LSP1: variants seen among roughly 807,000 people sequenced by gnomAD.
LSP1 encodes the protein lymphocyte-specific protein 1.
Under a neutral mutation model 49.3 loss-of-function variants are expected in LSP1, and 32 were observed. The observed-to-expected ratio is 0.65, with a 90% CI of 0.49 to 0.87. The LOEUF is 0.87. LSP1 is among the 40% of genes least tolerant of loss of function. LSP1 has a pLI of 0.00. For synonymous variants in LSP1, 179 were observed against 178.8 expected (o/e 1.00, Z -0.01); for missense variants, 428 against 442.6 (o/e 0.97, Z 0.30).
chr11:1,853,165 C>T lies in LSP1; in HGVS notation c.21C>T (p.Asp7=). MAEASS[D]PGAEEREELL... is the part of the protein sequence containing the mutation. ...GGCTGATGGCGGAGGCTTCGAGTGACCCGGGTGCCGAGGAGCGGGAAGAGT... is the reference window on the plus strand; with the variant it reads ...GGCTGATGGCGGAGGCTTCGAGTGATCCGGGTGCCGAGGAGCGGGAAGAGT... Residue 7 remains aspartate (D), a synonymous_variant, in exon 1 of 11, where the codon GAC becomes GAT. Coordinates refer to ENST00000311604, the MANE Select transcript of LSP1 (RefSeq NM_002339.3). The T allele has an allele frequency of 6.2e-7, 1 of 1,611,548 alleles. No individual in the cohort carries two copies. Among genetic ancestry groups the T allele is most frequent in the Non-Finnish European group, 8.5e-7 (1 of 1,179,404 alleles).
At chr11:1,862,004 T>C (rs148178795) in intron 1 of LSP1, among the ~76,000 whole-genome samples, 2 of 151,182 alleles carry the variant, frequency 1.3e-5, no homozygotes, top group African/African-American at 4.8e-5. Context: ...GATGGGTGGA[T>C]GGATGGATGA....
chr11:1,881,328 A>C, intron 2 of LSP1, 104 bp from the exon 3 acceptor site: 2 of 1,171,856 alleles, frequency 1.7e-6, no homozygotes, highest in South Asian at 3.2e-5. Flanking sequence ...AGGGTCTCCC[A>C]CACTTGGAGT....
At position 1,884,243 on chromosome 11, in the gene LSP1, G is replaced by T. The variant is rs780239277; in HGVS notation, c.592-37G>T. ...GAGATGGAGGGTGGGCTTTACCTCG[G>T]CTGCTGCAGGCCTGTGTCTCTCTCC... On this transcript the variant is annotated intron_variant, in intron 5 of 10. Coordinates refer to ENST00000311604, the MANE Select transcript of LSP1 (RefSeq NM_002339.3). This position sits in a 1 kb window ranked among gnomAD's most constrained non-coding sequence, Gnocchi z 4.1. 1.2e-6 allele frequency: 2 copies of T among 1,613,054 alleles called. No homozygotes were observed. Among genetic ancestry groups the T allele is most frequent in the African/African-American group, 1.3e-5 (1 of 74,970 alleles).
At chr11:1,887,390 T>C in intron 9 of LSP1, 76 bp downstream of exon 9, 2 of 1,577,640 alleles carry the variant, frequency 1.3e-6, no homozygotes, top group South Asian at 1.1e-5. Context: ...CCTCTGTGCA[T>C]CTGGGAGGGC....
intron 2 of LSP1, 21 bp from the exon 3 acceptor site, chr11:1,881,411 G>T (rs1163817631): frequency 1.3e-6 from 2 of 1,554,224 alleles, no homozygotes; most frequent in Middle Eastern, 1.8e-4. Flanking sequence ...CCAGGCCTAA[G>T]CTCCCCCCTG....
At chr11:1,866,892 A>G in intron 1 of LSP1, 1 of 1,523,668 alleles carries the variant, frequency 6.6e-7, no homozygotes, top group Non-Finnish European at 8.8e-7. Context: ...CAGCGGGCCC[A>G]GCACCAACTG....
At chr11:1,861,762 G>A (rs1847640198) in intron 1 of LSP1, among the ~76,000 whole-genome samples, 1 of 151,322 alleles carries the variant, frequency 6.6e-6, no homozygotes, top group Non-Finnish European at 1.5e-5. Context: ...TGGATGAGTG[G>A]ATGGGTGGAT....
chr11:1,890,054 G>A (rs757008747), intron 10 of LSP1: 18 of 707,942 alleles, frequency 2.5e-5, no homozygotes, highest in East Asian at 5.4e-5. Flanking sequence ...CCTGGGTGAC[G>A]TGGGTGCCCC....
intron 1 of LSP1, among the ~76,000 whole-genome samples, chr11:1,861,863 A>G (rs1488539674): frequency 1.3e-5 from 2 of 149,784 alleles, no homozygotes; most frequent in Non-Finnish European, 3.0e-5. Context: ...GGATGGATGG[A>G]TGGGTGGATG....
chr11:1,887,254 C>T lies in LSP1; in HGVS notation c.870C>T (p.Asp290=). The part of the protein sequence containing the change: ...TPSCKDIVAG[D]MSKKSLWEQK... ...GCCCCCAGGATATTGTGGCTGGAGA[C>T]ATGAGCAAGAAAAGCCTCTGGGAGC... The change falls in exon 9 of 11, where the codon GAC becomes GAT. Residue 290 remains aspartate, a synonymous_variant. Transcript: ENST00000311604. The T allele has an allele frequency of 6.3e-7, 1 of 1,588,392 alleles. No homozygotes were observed. The highest frequency in any genetic ancestry group is 1.1e-5 in the South Asian group (1 of 88,806).
chr11:1,867,773 C>T (rs937666794), intron 1 of LSP1, among the ~76,000 whole-genome samples: 4 of 152,182 alleles, frequency 2.6e-5, no homozygotes, highest in African/African-American at 9.7e-5. Flanking sequence ...AGTTTACATC[C>T]ATTAAAAATG....
chr11:1,880,554 A>T, intron 2 of LSP1: 1 of 262,516 alleles, frequency 3.8e-6, no homozygotes. Context: ...AGTGACTCAC[A>T]GAGCCACGTC....
intron 10 of LSP1, chr11:1,890,235 G>C (rs1173287196): frequency 1.4e-6 from 1 of 716,580 alleles, no homozygotes; most frequent in Non-Finnish European, 2.6e-6. Context: ...GATGATGGGG[G>C]TGTGCGGGGA....
At chr11:1,883,786 C>T in intron 4 of LSP1, 146 bp from the exon 5 acceptor site, 2 of 902,528 alleles carry the variant, frequency 2.2e-6, no homozygotes, top group South Asian at 1.6e-5. Context: ...CTCAGTCCCT[C>T]CCCACCAGCT....
chr11:1,884,641 T>C lies in LSP1; in HGVS notation c.717+60T>C, dbSNP rs772006078. The C allele has an allele frequency of 3.6e-5, 52 of 1,432,720 alleles. No individual in the cohort carries two copies. The highest frequency in any genetic ancestry group is 1.9e-4 in the Middle Eastern group (1 of 5,382). The allele number at this position is 1,432,720 out of a possible 1,614,324, so 88.8% of individuals were successfully genotyped here. ...CCTGCATCCTGGCACCATTCCTTCA[T>C]CCAACCAACGCCCTTCCATCCAATC... On this transcript the variant is annotated intron_variant, in intron 7 of 10. Transcript: ENST00000311604. This position sits in a 1 kb window ranked among gnomAD's most constrained non-coding sequence, Gnocchi z 4.1.
chr11:1,881,511 C>T lies in LSP1; in HGVS notation c.271C>T (p.Arg91Trp), dbSNP rs747468057. 36 of 1,567,922 alleles carry T rather than the reference C, an allele frequency of 2.3e-5. No individual in the cohort carries two copies. Among genetic ancestry groups the T allele is most frequent in the South Asian group, 5.9e-5 (5 of 85,446 alleles). The change falls in exon 3 of 11, where the codon CGG (arginine) becomes TGG (tryptophan). Residue 91 changes from arginine to tryptophan, a missense_variant. Coordinates refer to ENST00000311604, the MANE Select transcript of LSP1 (RefSeq NM_002339.3). ...FGDWSQRPEQ[R>W]QQHEGAQGAL... Reference sequence around the variant, plus strand: ...CGACTGGTCCCAGAGGCCAGAGCAGCGGCAGCAGCACGAGGGGGCGCAGGG... The same window carrying T: ...CGACTGGTCCCAGAGGCCAGAGCAGTGGCAGCAGCACGAGGGGGCGCAGGG...
chr11:1,862,916 C>A (rs951753351), intron 1 of LSP1, among the ~76,000 whole-genome samples: 7 of 152,206 alleles, frequency 4.6e-5, no homozygotes, highest in Non-Finnish European at 1.0e-4. Context: ...CCTGCTTACT[C>A]CAGAATCCTG....
intron 10 of LSP1, chr11:1,889,649 A>G: frequency 1.6e-6 from 1 of 622,874 alleles, no homozygotes; most frequent in South Asian, 1.9e-5. Flanking sequence ...AGGCCCAGGC[A>G]GGGCTGGACA....
At position 1,892,174 on chromosome 11, in the gene LSP1, G is replaced by GGCCAT. The variant is rs1363243542; in HGVS notation, c.*418_*422dup. The GGCCAT allele has an allele frequency of 1.3e-5, 2 of 152,268 alleles. No homozygotes were observed. Among genetic ancestry groups the GGCCAT allele is most frequent in the African/African-American group, 4.8e-5 (2 of 41,430 alleles). The allele number at this position is 152,268 out of a possible 1,614,324, so 9.4% of individuals were successfully genotyped here. The stretch of plus-strand genomic sequence containing the variant: ...AAACTGCAGGTCAAGGGCTGATAAC[G>GGCCAT]GCCATGCAGGATGCTTGATGCTGCG... On this transcript the variant is annotated 3_prime_UTR_variant, in exon 11 of 11. Transcript: ENST00000311604.
Sources: allele counts gnomAD v4.1 joint callset (sites outside exome capture counted in the v4.1 genomes callset), GRCh38; gene constraint gnomAD v4.1.1; non-coding constraint Gnocchi (gnomAD v3.1); transcripts MANE v1.5; gene names NCBI Gene and HGNC (gene_info 2026-07-23, HGNC 2026-07-21).